DPYD: variants seen among roughly 807,000 people sequenced by gnomAD.
DPYD encodes the protein dihydropyrimidine dehydrogenase, also known as dihydropyrimidine dehydrogenase [NADP(+)].
In DPYD, 109 loss-of-function variants were observed where a neutral mutation model predicts 116.2. The observed-to-expected ratio is 0.94, with a 90% CI of 0.80 to 1.10. The LOEUF is 1.10. Ranked by LOEUF, DPYD falls within the 50% of genes least tolerant of loss-of-function variation. The pLI is 0.00. For synonymous variants in DPYD, 440 were observed against 432.0 expected (o/e 1.02, Z -0.23); for missense variants, 1,302 against 1,254.5 (o/e 1.04, Z -0.57).
intron 8 of DPYD, among the ~76,000 whole-genome samples, chr1:97,674,055 G>A (rs1168847402): frequency 6.6e-6 from 1 of 152,168 alleles, no homozygotes; most frequent in Non-Finnish European, 1.5e-5. Context: ...TGGAGCTATG[G>A]AAGAGTTTTA....
intron 12 of DPYD, among the ~76,000 whole-genome samples, chr1:97,523,518 C>T (rs1033178718): frequency 3.3e-5 from 5 of 152,084 alleles, no homozygotes; most frequent in African/African-American, 1.2e-4. Context: ...TTACTACATA[C>T]AGAATAAAGC....
chr1:97,881,019 T>C (rs1238984776), intron 2 of DPYD, among the ~76,000 whole-genome samples: 1 of 152,042 alleles, frequency 6.6e-6, no homozygotes, highest in Admixed American at 6.6e-5. Context: ...ATTCTTTATC[T>C]ATATTCCTAA....
chr1:97,128,509 C>T (rs970006806), intron 20 of DPYD, among the ~76,000 whole-genome samples: 1 of 152,154 alleles, frequency 6.6e-6, no homozygotes, highest in African/African-American at 2.4e-5. Context: ...CTTTAGTATA[C>T]CCTTATAATA....
intron 20 of DPYD, among the ~76,000 whole-genome samples, chr1:97,143,983 A>T (rs1654427773): frequency 6.6e-6 from 1 of 152,138 alleles, no homozygotes; most frequent in Non-Finnish European, 1.5e-5. Flanking sequence ...CCGAACAAGG[A>T]AATTATTATT....
chr1:97,510,293 T>C (rs1028513523), intron 13 of DPYD, among the ~76,000 whole-genome samples: 1 of 151,578 alleles, frequency 6.6e-6, no homozygotes, highest in Non-Finnish European at 1.5e-5. Flanking sequence ...CCAAACTGAA[T>C]TTCAAAATTG....
At chr1:97,693,903 A>T (rs1661161908) in intron 6 of DPYD, among the ~76,000 whole-genome samples, 1 of 152,184 alleles carries the variant, frequency 6.6e-6, no homozygotes, top group African/African-American at 2.4e-5. Context: ...ACTTAAGAAA[A>T]AAACTCTGAA....
In DPYD at chr1:97,549,565, C is replaced by T. The variant is rs138391898; in HGVS notation, c.1519G>A (p.Val507Ile). 5.6e-6 allele frequency: 9 copies of T among 1,613,728 alleles called. No individual in the cohort carries two copies. Among genetic ancestry groups the T allele is most frequent in the South Asian group, 3.3e-5 (3 of 91,082 alleles). ...AAATGATGGCAAATGCCTACCTGTA[C>T]GTATTTGTGAATGTACCAAGAAGCT... ...KQASWYIHKY[V>I]QSQYGASVSA... Residue 507 changes from valine (V) to isoleucine (I), a missense_variant, in exon 12 of 23, where the codon GTA becomes ATA. Val to Ile is a conservative substitution (Grantham distance 29). Coordinates refer to ENST00000370192, the MANE Select transcript of DPYD (RefSeq NM_000110.4).
intron 13 of DPYD, among the ~76,000 whole-genome samples, chr1:97,485,734 C>A (rs552001659): frequency 1.3e-5 from 2 of 152,200 alleles, no homozygotes; most frequent in African/African-American, 2.4e-5. Context: ...CTGCAAAATT[C>A]TTCAGCTAAT....
intron 12 of DPYD, among the ~76,000 whole-genome samples, chr1:97,532,419 T>C (rs905665500): frequency 6.6e-5 from 10 of 152,168 alleles, no homozygotes; most frequent in African/African-American, 2.4e-4. Context: ...AAGTATTTAC[T>C]CTTCTACTTT....
intron 15 of DPYD, 124 bp from the exon 16 acceptor site, chr1:97,373,768 C>G (rs1403077562): frequency 1.2e-6 from 1 of 818,810 alleles, no homozygotes; most frequent in Non-Finnish European, 2.0e-6. Flanking sequence ...TGCATCACAG[C>G]TATCTTGTGA....
At chr1:97,559,778 T>C (rs896712418) in intron 11 of DPYD, among the ~76,000 whole-genome samples, 5 of 152,140 alleles carry the variant, frequency 3.3e-5, no homozygotes, top group African/African-American at 9.6e-5. Context: ...TATAGAGAAC[T>C]AGCTGTATTA....
chr1:97,357,605 GA>G (rs1670490870), intron 16 of DPYD, among the ~76,000 whole-genome samples: 1 of 152,092 alleles, frequency 6.6e-6, no homozygotes, highest in South Asian at 2.1e-4. Flanking sequence ...GCATACTGGT[GA>G]AATCTGAGTT....
At chr1:97,737,864 A>G (rs1664050055) in intron 4 of DPYD, among the ~76,000 whole-genome samples, 1 of 152,060 alleles carries the variant, frequency 6.6e-6, no homozygotes, top group African/African-American at 2.4e-5. Flanking sequence ...TGCTGCTTCG[A>G]TTTTGTTGTT....
At chr1:97,290,400 A>G (rs1055035180) in intron 18 of DPYD, among the ~76,000 whole-genome samples, 4 of 152,294 alleles carry the variant, frequency 2.6e-5, no homozygotes, top group South Asian at 2.1e-4. Context: ...CCAAAACAAC[A>G]AAGCTGGAGG....
intron 14 of DPYD, among the ~76,000 whole-genome samples, chr1:97,383,358 T>A (rs2101569187): frequency 6.6e-6 from 1 of 151,734 alleles, no homozygotes; most frequent in South Asian, 2.1e-4. Context: ...GTGCCTGTAA[T>A]TCCAGCTACT....
At chr1:97,324,051 TCTC>T (rs1570526352) in intron 16 of DPYD, among the ~76,000 whole-genome samples, 1 of 152,104 alleles carries the variant, frequency 6.6e-6, no homozygotes, top group East Asian at 1.9e-4. Context: ...TTGTGCAGCA[TCTC>T]CTGACAGTAT....
chr1:97,606,079 T>A (rs963533723), intron 8 of DPYD, among the ~76,000 whole-genome samples: 1 of 152,076 alleles, frequency 6.6e-6, no homozygotes, highest in Non-Finnish European at 1.5e-5. Context: ...AAAATTATTT[T>A]AAAATAGTCT....
At chr1:97,229,540 T>A (rs931577878) in intron 19 of DPYD, among the ~76,000 whole-genome samples, 18 of 118,180 alleles carry the variant, frequency 1.5e-4, no homozygotes, top group African/African-American at 5.6e-4. Context: ...CTTATGACCA[T>A]CCTAAGTATA....
At chr1:97,225,566 T>G (rs1661094021) in intron 19 of DPYD, among the ~76,000 whole-genome samples, 1 of 151,380 alleles carries the variant, frequency 6.6e-6, no homozygotes. Context: ...GGTTGTTTTT[T>G]TTTTTTTTTT....
Sources: gnomAD v4.1 joint callset for allele counts (sites outside exome capture counted in the v4.1 genomes callset) on GRCh38, gnomAD v4.1.1 for gene constraint, MANE v1.5 for transcripts, NCBI Gene and HGNC (gene_info 2026-07-23, HGNC 2026-07-21) for gene names.